Variants in RELN observed in about 807,000 individuals in gnomAD.
RELN encodes the protein reelin.
RELN carries 108 observed loss-of-function variants against 427.6 expected under a neutral mutation model. The ratio of observed to expected loss-of-function variants is 0.25; its 90% CI spans 0.22 to 0.30. RELN has a LOEUF of 0.30. Among genes scored for constraint, RELN ranks in the 10% least tolerant of loss-of-function variants. The pLI is 1.00. For synonymous variants in RELN, 1,524 were observed against 1,513.4 expected (o/e 1.01, Z -0.16); for missense variants, 3,715 against 4,302.8 (o/e 0.86, Z 3.82).
chr7:103,584,026 C>T (rs1831214239), intron 28 of RELN, among the ~76,000 whole-genome samples: 1 of 152,204 alleles, frequency 6.6e-6, no homozygotes, highest in African/African-American at 2.4e-5. Context: ...CCCTTGGTAA[C>T]AGCCCCCATA....
At chr7:103,892,903 C>G (rs953348636) in intron 2 of RELN, among the ~76,000 whole-genome samples, 2 of 152,006 alleles carry the variant, frequency 1.3e-5, no homozygotes, top group Non-Finnish European at 2.9e-5. Context: ...ACAAATATAA[C>G]AGGAAAGCTG....
At chr7:103,747,808 T>TA (rs1554411328) in intron 6 of RELN, among the ~76,000 whole-genome samples, 1 of 151,920 alleles carries the variant, frequency 6.6e-6, no homozygotes, top group East Asian at 1.9e-4. Context: ...AAAACTTTTT[T>TA]AAAAAAAGGT....
At chr7:103,786,517 CA>C (rs66567252) in intron 3 of RELN, among the ~76,000 whole-genome samples, 2,215 of 98,490 alleles carry the variant, frequency 0.022, 52 homozygotes, top group African/African-American at 0.06. Flanking sequence ...AAAATGGAAC[CA>C]AAAAAAAAAA....
chr7:103,911,106 T>C (rs1795354412), intron 2 of RELN, among the ~76,000 whole-genome samples: 1 of 145,308 alleles, frequency 6.9e-6, no homozygotes, highest in African/African-American at 2.7e-5. Context: ...CCTACTCATC[T>C]GACAAAGGGC....
At chr7:103,799,972 C>T (rs896059489) in intron 3 of RELN, among the ~76,000 whole-genome samples, 5 of 150,794 alleles carry the variant, frequency 3.3e-5, no homozygotes, top group African/African-American at 1.2e-4. Context: ...TTCCAAGGTA[C>T]TGACGGAACA....
intron 41 of RELN, among the ~76,000 whole-genome samples, chr7:103,548,987 A>ACCTACAATCTAAAATCGTAT (rs548826221): frequency 1.4e-3 from 215 of 152,340 alleles, no homozygotes; most frequent in African/African-American, 5.0e-3. Flanking sequence ...TAAAATCGTA[A>ACCTACAATCTAAAATCGTAT]CCTACAATCT....
intron 53 of RELN, among the ~76,000 whole-genome samples, chr7:103,500,396 A>G (rs1019923295): frequency 3.4e-5 from 5 of 148,410 alleles, no homozygotes; most frequent in African/African-American, 1.3e-4. Context: ...AATAATAACA[A>G]TAATATCTTC....
At chr7:103,773,901 T>C in intron 4 of RELN, among the ~76,000 whole-genome samples, 1 of 152,126 alleles carries the variant, frequency 6.6e-6, no homozygotes, top group East Asian at 1.9e-4. Flanking sequence ...AGCCTGTGAG[T>C]TCCTCAAGAA....
At chr7:103,885,934 T>C (rs1025158822) in intron 2 of RELN, among the ~76,000 whole-genome samples, 7 of 152,156 alleles carry the variant, frequency 4.6e-5, no homozygotes, top group African/African-American at 1.4e-4. Flanking sequence ...CTAAGTATGC[T>C]TTTTAAAAAA....
At chr7:103,679,452 C>G (rs753351430) in intron 11 of RELN, among the ~76,000 whole-genome samples, 45 of 152,192 alleles carry the variant, frequency 3.0e-4, no homozygotes, top group Non-Finnish European at 5.0e-4. Flanking sequence ...GTGCTTTTCT[C>G]AAGCACATTA....
rs745360758 is a variant in RELN at position 103,519,536 on chromosome 7, T to TA, written c.7669-21dup. 1.7e-5 allele frequency: 26 copies of TA among 1,551,774 alleles called. No homozygotes were observed. Among genetic ancestry groups the TA allele is most frequent in the African/African-American group, 6.9e-5 (5 of 72,262 alleles). On this transcript the variant is annotated intron_variant, in intron 48 of 64. Coordinates refer to ENST00000428762, the MANE Select transcript of RELN (RefSeq NM_005045.4). ...ACAACCCTAAGAAAAAGAAGTAAAATAAAAAAAAGTGATAAGGAATCTCGA... is the reference window on the plus strand; with the variant it reads ...ACAACCCTAAGAAAAAGAAGTAAAATAAAAAAAAAGTGATAAGGAATCTCGA...
intron 18 of RELN, among the ~76,000 whole-genome samples, chr7:103,635,894 G>C (rs1250163754): frequency 1.3e-5 from 2 of 152,124 alleles, no homozygotes; most frequent in Non-Finnish European, 2.9e-5. Flanking sequence ...GACACTGGGG[G>C]AAGGGAAGTT....
In RELN at chr7:103,553,659, C is replaced by CGGT; in HGVS notation, c.5967_5969dup (p.Pro1990dup). On this transcript the variant is annotated inframe_insertion and splice_region_variant. Coordinates refer to ENST00000428762, the MANE Select transcript of RELN (RefSeq NM_005045.4). ...TTTATTTTTAGATTCTTAATACTTA[C>CGGT]GGTGCCCCCTTTGAAGAATATGGAC... The CGGT allele has an allele frequency of 4.3e-6, 7 of 1,613,712 alleles. No individual in the cohort carries two copies. The highest frequency in any genetic ancestry group is 5.9e-6 in the Non-Finnish European group (7 of 1,179,704).
Position 103,609,148 on chromosome 7 carries a change from G to A in RELN, c.3008+1547C>T, listed in dbSNP as rs545181269. On this transcript the variant is annotated intron_variant, in intron 22 of 64. Transcript: ENST00000428762. ...TGAGGCAGGTGAATCACTTGAACCC[G>A]GGAAATGAAGGCTGCAATGAGCCAA... Among the ~76,000 whole-genome samples, 13 of 151,022 alleles carry A rather than the reference G, an allele frequency of 8.6e-5. No homozygotes were observed. In the South Asian group the frequency reaches 1.3e-3, roughly 15 times the overall value.
chr7:103,511,198 T>C (rs1562862748), intron 50 of RELN, among the ~76,000 whole-genome samples, 193 bp from the exon 51 acceptor site: 1 of 152,206 alleles, frequency 6.6e-6, no homozygotes, highest in African/African-American at 2.4e-5. Flanking sequence ...TATATGCCCT[T>C]TGTCTGATAT....
At chr7:103,853,725 T>C (rs1462872148) in intron 2 of RELN, among the ~76,000 whole-genome samples, 1 of 152,036 alleles carries the variant, frequency 6.6e-6, no homozygotes, top group African/African-American at 2.4e-5. Context: ...AATTTATATG[T>C]CTCATAATAT....
At chr7:103,528,010 T>C (rs942913489) in intron 46 of RELN, among the ~76,000 whole-genome samples, 4 of 152,168 alleles carry the variant, frequency 2.6e-5, no homozygotes, top group African/African-American at 9.7e-5. Flanking sequence ...GGTAAAAGGT[T>C]GTCAGTTTCT....
rs768153340 is a variant in RELN at position 103,566,357 on chromosome 7, G to C, written c.4803C>G (p.Ser1601Arg). 1 of 1,614,068 alleles carries C rather than the reference G, an allele frequency of 6.2e-7. No individual in the cohort carries two copies. The highest frequency in any genetic ancestry group is 1.1e-5 in the South Asian group (1 of 91,080). The stretch of plus-strand genomic sequence containing the variant: ...ATTTGTCTTGAAATCCAGTTTGAGA[G>C]CTGTCATTCATTCCTATAAGAACAT... ...LDDVLIGMND[S>R]SQTGFQDKFD... The change falls in exon 33 of 65, where the codon AGC becomes AGG. Residue 1601 changes from serine to arginine, a missense_variant. This residue lies in a region of RELN where 2,208 missense variants were observed against 2,361.7 expected (regional missense o/e 0.93). Transcript: ENST00000428762.
intron 3 of RELN, among the ~76,000 whole-genome samples, chr7:103,831,152 T>A (rs1372396642): frequency 6.6e-6 from 1 of 152,150 alleles, no homozygotes; most frequent in Non-Finnish European, 1.5e-5. Flanking sequence ...CAGTTCTATA[T>A]TGCTGATATA....
Sources: gnomAD v4.1 joint callset for allele counts (sites outside exome capture counted in the v4.1 genomes callset) on GRCh38, gnomAD v4.1.1 for gene constraint, gnomAD v4.1.1 regional missense constraint, MANE v1.5 for transcripts, NCBI Gene and HGNC (gene_info 2026-07-23, HGNC 2026-07-21) for gene names.